The following MID1 variants were observed in gnomAD, a reference collection of about 807,000 sequenced individuals.
MID1 encodes midline 1.
Under a neutral mutation model 40.4 loss-of-function variants are expected in MID1, and 7 were observed. The ratio of observed to expected loss-of-function variants is 0.17; its 90% CI spans 0.10 to 0.33. The LOEUF (loss-of-function observed/expected upper bound fraction) is 0.33. Ranked by LOEUF, MID1 falls within the 10% of genes least tolerant of loss-of-function variation. The pLI, the probability that MID1 is intolerant of heterozygous loss-of-function variation, is 1.00. For synonymous variants in MID1, 229 were observed against 221.2 expected (o/e 1.04, Z -0.31); for missense variants, 367 against 558.5 (o/e 0.66, Z 3.46).
At chrX:10,458,690 C>T (rs902255580) in intron 8 of MID1, among the ~76,000 whole-genome samples, 2 of 111,730 alleles carry the variant, frequency 1.8e-5, no homozygotes, top group African/African-American at 6.5e-5. Flanking sequence ...TCTTCTCATT[C>T]GTAATTCAGT....
intron 1 of MID1, among the ~76,000 whole-genome samples, chrX:10,811,927 T>C (rs1405423647): frequency 8.9e-6 from 1 of 112,238 alleles, no homozygotes; most frequent in Non-Finnish European, 1.9e-5. Context: ...GATGGCAAAA[T>C]GTCCATTCTT....
At chrX:10,577,771 G>A (rs759423769) in intron 1 of MID1, among the ~76,000 whole-genome samples, 1 of 104,085 alleles carries the variant, frequency 9.6e-6, no homozygotes, top group African/African-American at 3.5e-5. Context: ...ATGGAAAGAA[G>A]TAATCTTTTA....
At chrX:10,650,441 C>T (rs1254864135) in intron 1 of MID1, among the ~76,000 whole-genome samples, 2 of 110,513 alleles carry the variant, frequency 1.8e-5, no homozygotes, top group African/African-American at 6.6e-5. Context: ...GCCTAAAGTC[C>T]GGACCTAACA....
At chrX:10,602,059 G>A (rs1047079543) in intron 1 of MID1, among the ~76,000 whole-genome samples, 4 of 107,732 alleles carry the variant, frequency 3.7e-5, no homozygotes, top group African/African-American at 1.0e-4. Context: ...CACCATGCCC[G>A]GCTAATTTTT....
At chrX:10,523,808 G>A (rs1256501983) in intron 2 of MID1, among the ~76,000 whole-genome samples, 1 of 112,035 alleles carries the variant, frequency 8.9e-6, no homozygotes, top group Non-Finnish European at 1.9e-5. Context: ...GACTGCATCT[G>A]TACTGAACAT....
Position 10,831,889 on chromosome X carries a change from A to G in MID1, c.-187+1665T>C, listed in dbSNP as rs769420962. Among the ~76,000 whole-genome samples the G allele has an allele frequency of 3.6e-5, 4 of 112,503 alleles. No homozygotes were observed. The South Asian group carries it at 1.5e-3, about 42-fold the overall frequency. ...ACTATGTACATATCAACTCACAGGA[A>G]AAACGGCAGACGTGCTGGCTGATTT... On this transcript the variant is annotated intron_variant, in intron 1 of 10. Coordinates refer to the MID1 transcript ENST00000380785.
chrX:10,662,077 G>C (rs753704972), intron 1 of MID1, among the ~76,000 whole-genome samples: 6 of 111,612 alleles, frequency 5.4e-5, no homozygotes, highest in Non-Finnish European at 9.4e-5. Context: ...GGCCGAGGTG[G>C]GCAGATCACC....
intron 7 of MID1, among the ~76,000 whole-genome samples, chrX:10,462,784 GT>G (rs1929127053): frequency 9.0e-6 from 1 of 111,645 alleles, no homozygotes; most frequent in African/African-American, 3.3e-5. Context: ...AAAAAATTAT[GT>G]GTAAAAATGT....
rs1298069297 is a variant in MID1, at chrX:10,451,949, TGTCA to T, written c.1656-2237_1656-2234del. Among the ~76,000 whole-genome samples the T allele has an allele frequency of 1.6e-4, 18 of 112,075 alleles. No individual in the cohort carries two copies. The Admixed American group carries it at 1.7e-3, about 11-fold the overall frequency. On this transcript the variant is annotated intron_variant, in intron 9 of 9. Coordinates refer to ENST00000317552, the MANE Select transcript of MID1 (RefSeq NM_000381.4). ...TTTGGAAAGGTTTTCATTTTGCAAT[TGTCA>T]GTATCTCCCACCCCCCAAAAATGTT... is the stretch of plus-strand genomic sequence containing the variant.
chrX:10,595,180 TG>T (rs1256468143), intron 1 of MID1, among the ~76,000 whole-genome samples: 1 of 111,777 alleles, frequency 8.9e-6, no homozygotes, highest in Non-Finnish European at 1.9e-5. Flanking sequence ...GTTTAGAATC[TG>T]GGTTTTTCTG....
rs757390504 is a variant in MID1, at chrX:10,636,785, G to GAGATATATAT, written c.-186-16367_-186-16366insATATATATCT. Among the ~76,000 whole-genome samples, 97 of 42,707 alleles carry GAGATATATAT rather than the reference G, an allele frequency of 2.3e-3. 3 individuals carry two copies. Among genetic ancestry groups the GAGATATATAT allele is most frequent in the Non-Finnish European group, 3.6e-3 (90 of 24,759 alleles). 37.1% of individuals were successfully genotyped at this position (42,707 alleles called of 115,157 possible). A position where few individuals can be genotyped will look rare whatever the true frequency, so the allele number is the denominator to read the frequency against. On this transcript the variant is annotated intron_variant, in intron 1 of 10. Coordinates refer to the MID1 transcript ENST00000380785. ...CAAACTGGGCCATTCCAACAATGGG[G>GAGATATATAT]ATATATATATATATATATATATATA...
intron 4 of MID1, among the ~76,000 whole-genome samples, chrX:10,489,785 T>C (rs965894178): frequency 7.6e-5 from 8 of 105,880 alleles, no homozygotes; most frequent in Non-Finnish European, 1.2e-4. Context: ...AAACTCCGCC[T>C]CCCGGATTCA....
At chrX:10,624,374 G>A (rs1049382496), upstream of MID1, among the ~76,000 whole-genome samples, 9 of 111,977 alleles carry the variant, frequency 8.0e-5, no homozygotes, top group African/African-American at 2.9e-4. Flanking sequence ...TGTACCCTAA[G>A]CTTGTTGTTT....
chrX:10,468,284 C>A (rs1443240076), intron 7 of MID1, among the ~76,000 whole-genome samples: 1 of 111,200 alleles, frequency 9.0e-6, no homozygotes, highest in Non-Finnish European at 1.9e-5. Flanking sequence ...GTAGGGGGAG[C>A]CATTTGTTGG....
chrX:10,801,906 A>G (rs1346141509), intron 1 of MID1, among the ~76,000 whole-genome samples: 1 of 111,988 alleles, frequency 8.9e-6, no homozygotes, highest in Non-Finnish European at 1.9e-5. Context: ...AACCGAGGCC[A>G]GCACGGTGGC....
chrX:10,526,617 A>C (rs2018109923), intron 2 of MID1, among the ~76,000 whole-genome samples: 3 of 111,687 alleles, frequency 2.7e-5, no homozygotes, highest in Admixed American at 9.5e-5. Flanking sequence ...GGGCCAAAGA[A>C]ATGCAATCCA....
intron 1 of MID1, among the ~76,000 whole-genome samples, chrX:10,702,891 A>G (rs1386646544): frequency 8.9e-6 from 1 of 111,755 alleles, no homozygotes; most frequent in Non-Finnish European, 1.9e-5. Flanking sequence ...AAGAAGAGAC[A>G]CCAGAGAGCT....
chrX:10,747,089 G>A (rs1440845873), intron 1 of MID1, among the ~76,000 whole-genome samples: 3 of 111,375 alleles, frequency 2.7e-5, no homozygotes, highest in Non-Finnish European at 5.6e-5. Flanking sequence ...CTACGCAGAG[G>A]GAGGGGAGCC....
At chrX:10,525,764 T>C (rs908743078) in intron 2 of MID1, among the ~76,000 whole-genome samples, 1 of 112,266 alleles carries the variant, frequency 8.9e-6, no homozygotes, top group Non-Finnish European at 1.9e-5. Context: ...CTGGCTTCAA[T>C]TCCAGAGAAG....
Sources: allele counts gnomAD v4.1 joint callset (sites outside exome capture counted in the v4.1 genomes callset), GRCh38; gene constraint gnomAD v4.1.1; transcripts MANE v1.5; gene names NCBI Gene and HGNC (gene_info 2026-07-23, HGNC 2026-07-21).